FOXP2: variants seen among roughly 807,000 people sequenced by gnomAD.
The protein encoded by FOXP2 is forkhead box protein P2.
A neutral mutation model predicts 115.8 loss-of-function variants in FOXP2; 12 were observed. The observed-to-expected ratio is 0.10, with a 90% confidence interval of 0.07 to 0.17. The LOEUF is 0.17. Among genes scored for constraint, FOXP2 ranks in the 10% least tolerant of loss-of-function variants. The pLI is 1.00. For missense variants in FOXP2, 629 were observed against 843.5 expected, an observed-to-expected ratio of 0.75 and a Z score of 3.15; for synonymous variants, 328 against 297.7, an observed-to-expected ratio of 1.10 and a Z score of -1.05.
chr7:114,671,532 G>T (rs1409875044), intron 16 of FOXP2, among the ~76,000 whole-genome samples: 1 of 152,116 alleles, frequency 6.6e-6, no homozygotes, highest in Non-Finnish European at 1.5e-5. Flanking sequence ...TCTAAAGAAG[G>T]TACTTTGTTA....
At chr7:114,651,235 A>T (rs1806235125) in intron 8 of FOXP2, among the ~76,000 whole-genome samples, 1 of 152,074 alleles carries the variant, frequency 6.6e-6, no homozygotes, top group Non-Finnish European at 1.5e-5. Context: ...TTTCTTTTCA[A>T]TATGCCATTT....
chr7:114,485,129 A>G lies in FOXP2; in HGVS notation c.169-49488A>G, dbSNP rs181180616. Among the ~76,000 whole-genome samples the G allele has an allele frequency of 2.6e-5, 4 of 152,110 alleles. No homozygotes were observed. The East Asian group carries it at 5.8e-4, about 22-fold the overall frequency. On this transcript the variant is annotated intron_variant, in intron 2 of 16. Coordinates refer to ENST00000350908, the MANE Select transcript of FOXP2 (RefSeq NM_014491.4). The stretch of plus-strand genomic sequence containing the variant: ...ATGCTTTGCCCCAAATGCTGAATTT[A>G]TAAACTTTGAAATGAAAGCATTGCT...
chr7:114,145,473 T>TTTCTTTTCTTTTC (rs1792344366), intron 1 of FOXP2, among the ~76,000 whole-genome samples: 1 of 146,892 alleles, frequency 6.8e-6, no homozygotes, highest in African/African-American at 2.6e-5. Flanking sequence ...TTTCTTTTCT[T>TTTCTTTTCTTTTC]TTCTTTTCTT....
chr7:114,401,470 T>G (rs1207760070), intron 2 of FOXP2, among the ~76,000 whole-genome samples: 2 of 152,204 alleles, frequency 1.3e-5, no homozygotes, highest in Non-Finnish European at 2.9e-5. Context: ...ACTTAATAAC[T>G]TATTTTCTGC....
intron 1 of FOXP2, among the ~76,000 whole-genome samples, chr7:114,156,650 T>C (rs1488956890): frequency 6.6e-6 from 1 of 152,152 alleles, no homozygotes; most frequent in Non-Finnish European, 1.5e-5. Context: ...CAACAACATG[T>C]CCTCAAGATC....
chr7:114,300,028 ACACACT>A (rs1010363205), intron 2 of FOXP2, among the ~76,000 whole-genome samples: 16 of 151,168 alleles, frequency 1.1e-4, no homozygotes, highest in African/African-American at 3.9e-4. Flanking sequence ...CTACCCTTAC[ACACACT>A]CACACACACA....
At chr7:114,228,209 A>G (rs1794789914) in intron 1 of FOXP2, among the ~76,000 whole-genome samples, 1 of 152,030 alleles carries the variant, frequency 6.6e-6, no homozygotes, top group African/African-American at 2.4e-5. Context: ...GGACTAGACA[A>G]GAGTGTTCTT....
Position 114,134,276 on chromosome 7 carries a change from G to A in FOXP2, c.-246-28668G>A, listed in dbSNP as rs548330995. Reference sequence around the variant, plus strand: ...GGGGGTTCAAGAGAGAAAGGAAGGAGGATATTTAGAGACAGAGCTGTGGGG... The same window carrying A: ...GGGGGTTCAAGAGAGAAAGGAAGGAAGATATTTAGAGACAGAGCTGTGGGG... On this transcript the variant is annotated intron_variant, in intron 1 of 19. Coordinates refer to the FOXP2 transcript ENST00000635638. Among the ~76,000 whole-genome samples, 121 of 152,208 alleles carry A rather than the reference G, an allele frequency of 7.9e-4. No homozygotes were observed. The South Asian group carries it at 0.011, about 14-fold the overall frequency.
At chr7:114,433,066 A>G (rs558150691) in intron 2 of FOXP2, among the ~76,000 whole-genome samples, 1 of 152,068 alleles carries the variant, frequency 6.6e-6, no homozygotes, top group East Asian at 1.9e-4. Context: ...GGAAACTAAT[A>G]CTTATGACCA....
intron 4 of FOXP2, 25 bp downstream of exon 4, chr7:114,628,702 GT>G: frequency 6.2e-7 from 1 of 1,613,724 alleles, no homozygotes. Context: ...CTGCTTTGGT[GT>G]TCTAGCATGA....
At chr7:114,487,572 G>A (rs1298909532) in intron 2 of FOXP2, among the ~76,000 whole-genome samples, 1 of 152,004 alleles carries the variant, frequency 6.6e-6, no homozygotes, top group Non-Finnish European at 1.5e-5. Context: ...CACATCATCA[G>A]GCTGCAAATT....
chr7:114,379,259 C>T (rs556688552), intron 2 of FOXP2, among the ~76,000 whole-genome samples: 1 of 152,222 alleles, frequency 6.6e-6, no homozygotes, highest in African/African-American at 2.4e-5. Flanking sequence ...TTCTTTACCT[C>T]CTGTTTTTGC....
rs142946948 is a variant in FOXP2 at position 114,521,437 on chromosome 7, G to A, written c.169-13180G>A. Among the ~76,000 whole-genome samples the A allele has an allele frequency of 4.3e-3, 636 of 149,386 alleles. 8 individuals carry two copies. The highest frequency in any genetic ancestry group is 0.015 in the African/African-American group (602 of 40,422). The stretch of plus-strand genomic sequence containing the variant: ...AGTCCTAGCTATTCAAGAGCCTGAA[G>A]CAGGAAGCTTGCATGAGCCCAGGAG... On this transcript the variant is annotated intron_variant, in intron 2 of 16. Transcript: ENST00000350908.
At chr7:114,318,851 T>C (rs1797339573) in intron 2 of FOXP2, among the ~76,000 whole-genome samples, 1 of 152,266 alleles carries the variant, frequency 6.6e-6, no homozygotes, top group South Asian at 2.1e-4. Context: ...AAACCAGTTG[T>C]ATGTATGTAA....
chr7:114,591,638 T>C (rs1405712840), intron 3 of FOXP2, among the ~76,000 whole-genome samples: 4 of 152,030 alleles, frequency 2.6e-5, no homozygotes, highest in Admixed American at 6.6e-5. Flanking sequence ...AGGCATTTTC[T>C]TTCTCTGAAC....
intron 1 of FOXP2, among the ~76,000 whole-genome samples, chr7:114,150,797 A>C (rs1372136725): frequency 2.0e-5 from 3 of 151,912 alleles, no homozygotes; most frequent in East Asian, 1.9e-4. Context: ...TGGCTGAACT[A>C]TGTGTTTCTA....
chr7:114,431,066 T>G (rs1794087391), intron 2 of FOXP2, among the ~76,000 whole-genome samples: 1 of 151,952 alleles, frequency 6.6e-6, no homozygotes, highest in African/African-American at 2.4e-5. Flanking sequence ...CAGTGCATTC[T>G]TAAGTTCCAT....
intron 1 of FOXP2, among the ~76,000 whole-genome samples, chr7:114,097,069 A>G (rs1799668438): frequency 1.3e-5 from 2 of 152,188 alleles, no homozygotes; most frequent in Non-Finnish European, 2.9e-5. Context: ...TGGTTTATTA[A>G]TGACACAAGC....
chr7:114,537,766 G>A (rs1327752234), intron 3 of FOXP2, among the ~76,000 whole-genome samples: 3 of 151,564 alleles, frequency 2.0e-5, no homozygotes, highest in Admixed American at 1.3e-4. Context: ...CTGAATATAT[G>A]TATTTGAAAC....
Sources: allele counts gnomAD v4.1 joint callset (sites outside exome capture counted in the v4.1 genomes callset), GRCh38; gene constraint gnomAD v4.1.1; transcripts MANE v1.5; gene names NCBI Gene and HGNC (gene_info 2026-07-23, HGNC 2026-07-21).